Variants in CNTLN observed in about 807,000 individuals in gnomAD.
CNTLN encodes the protein centlein.
Under a neutral mutation model 180.0 loss-of-function variants are expected in CNTLN, and 212 were observed. The observed-to-expected ratio is 1.18, with a 90% CI of 1.05 to 1.32. The LOEUF is 1.32. Among genes scored for constraint, CNTLN ranks in the 40% most tolerant of loss-of-function variants. CNTLN has a pLI of 0.00. For missense variants in CNTLN, 2,095 were observed against 1,610.9 expected, an observed-to-expected ratio of 1.30 and a Z score of -5.14; for synonymous variants, 722 against 563.1, an observed-to-expected ratio of 1.28 and a Z score of -3.99.
At chr9:17,207,973 T>C (rs1173328722) in intron 2 of CNTLN, among the ~76,000 whole-genome samples, 1 of 152,158 alleles carries the variant, frequency 6.6e-6, no homozygotes, top group African/African-American at 2.4e-5. Flanking sequence ...TCTTGTCTGA[T>C]TGCTCTAGCT....
chr9:17,480,401 T>G (rs2134290544), intron 23 of CNTLN, among the ~76,000 whole-genome samples: 1 of 152,124 alleles, frequency 6.6e-6, no homozygotes, highest in African/African-American at 2.4e-5. Context: ...ATGGATAGTT[T>G]GTGAAGAAAA....
At chr9:17,340,248 T>A (rs563708519) in intron 10 of CNTLN, among the ~76,000 whole-genome samples, 6 of 152,304 alleles carry the variant, frequency 3.9e-5, no homozygotes, top group African/African-American at 1.4e-4. Context: ...TATAACCTCT[T>A]TAAGAGTTGT....
rs113960522 is a variant in CNTLN, at chr9:17,167,946, T to C, written c.449+24570T>C. The C allele has an allele frequency of 1.5e-3, 236 of 152,260 alleles. 2 individuals carry two copies. Among genetic ancestry groups the C allele is most frequent in the African/African-American group, 5.5e-3 (228 of 41,548 alleles). 9.4% of individuals were successfully genotyped at this position (152,260 alleles called of 1,614,324 possible). A position where few individuals can be genotyped will look rare whatever the true frequency, so the allele number is the denominator to read the frequency against. On this transcript the variant is annotated intron_variant, in intron 2 of 25. Transcript: ENST00000380647. ...ACAGAGAGGGGCTCCCTGGCAAGTG[T>C]GTAGGTACTCCATTGTCCTCTTCCT...
At chr9:17,138,341 C>T (rs996189653) in intron 1 of CNTLN, among the ~76,000 whole-genome samples, 1 of 151,944 alleles carries the variant, frequency 6.6e-6, no homozygotes, top group African/African-American at 2.4e-5. Context: ...ATTGACTAAA[C>T]CTATAAGCCA....
chr9:17,143,629 T>C (rs1818255924), intron 2 of CNTLN, among the ~76,000 whole-genome samples: 1 of 152,148 alleles, frequency 6.6e-6, no homozygotes, highest in Admixed American at 6.5e-5. Flanking sequence ...ATGTCTTAAA[T>C]ACTGTGTGTG....
chr9:17,348,494 T>G (rs1822095436), intron 12 of CNTLN, among the ~76,000 whole-genome samples: 1 of 151,890 alleles, frequency 6.6e-6, no homozygotes, highest in Non-Finnish European at 1.5e-5. Context: ...TTGGTGAAAG[T>G]GCAGGCTTCT....
intron 15 of CNTLN, among the ~76,000 whole-genome samples, chr9:17,403,993 C>T (rs980474709): frequency 6.6e-6 from 1 of 151,660 alleles, no homozygotes; most frequent in African/African-American, 2.4e-5. Context: ...CCAGACTGGT[C>T]ATAAACTCCT....
At chr9:17,222,605 C>T (rs1824213978) in intron 2 of CNTLN, among the ~76,000 whole-genome samples, 1 of 152,028 alleles carries the variant, frequency 6.6e-6, no homozygotes, top group African/African-American at 2.4e-5. Context: ...GATTCTGAGG[C>T]CTCCCCAGCC....
intron 18 of CNTLN, among the ~76,000 whole-genome samples, chr9:17,438,385 T>C (rs1829904764): frequency 6.6e-6 from 1 of 152,138 alleles, no homozygotes; most frequent in Non-Finnish European, 1.5e-5. Context: ...TCCCAAAAGT[T>C]TGATGACCAA....
chr9:17,269,381 G>T (rs1827769728), intron 5 of CNTLN, among the ~76,000 whole-genome samples: 1 of 151,812 alleles, frequency 6.6e-6, no homozygotes, highest in African/African-American at 2.4e-5. Context: ...CCTTTTTAAT[G>T]TACTACATAC....
intron 8 of CNTLN, among the ~76,000 whole-genome samples, chr9:17,330,305 A>T (rs767921627): frequency 6.6e-6 from 1 of 152,064 alleles, no homozygotes; most frequent in Non-Finnish European, 1.5e-5. Context: ...GAGGCAATAC[A>T]TATGTGTATA....
chr9:17,435,340 T>C (rs1055277428), intron 18 of CNTLN, among the ~76,000 whole-genome samples: 1 of 152,218 alleles, frequency 6.6e-6, no homozygotes, highest in Non-Finnish European at 1.5e-5. Flanking sequence ...CTTTCTGGAC[T>C]TAGTTATTTT....
chr9:17,241,958 C>G (rs1378613270), intron 5 of CNTLN, among the ~76,000 whole-genome samples: 1 of 152,134 alleles, frequency 6.6e-6, no homozygotes, highest in Non-Finnish European at 1.5e-5. Context: ...GTGGACTCTT[C>G]AGGTTTTTCC....
intron 8 of CNTLN, among the ~76,000 whole-genome samples, chr9:17,309,486 G>T (rs556401717): frequency 6.6e-6 from 1 of 152,032 alleles, no homozygotes; most frequent in Non-Finnish European, 1.5e-5. Context: ...TATAGTTATC[G>T]TGATGAAACA....
intron 25 of CNTLN, among the ~76,000 whole-genome samples, chr9:17,494,043 T>C (rs1293514459): frequency 6.6e-6 from 1 of 152,210 alleles, no homozygotes; most frequent in Non-Finnish European, 1.5e-5. Context: ...TTTGGAATGA[T>C]AAAATAATGC....
intron 6 of CNTLN, among the ~76,000 whole-genome samples, chr9:17,297,698 C>G (rs148921456): frequency 2.5e-4 from 38 of 152,288 alleles, no homozygotes; most frequent in Admixed American, 2.5e-3. Flanking sequence ...GCCCAGGACC[C>G]TGAGGTTACA....
chr9:17,193,319 C>T (rs1037591386), intron 2 of CNTLN, among the ~76,000 whole-genome samples: 1 of 152,196 alleles, frequency 6.6e-6, no homozygotes, highest in Admixed American at 6.5e-5. Context: ...AAAGTCTCAT[C>T]TGAGACAAGA....
At position 17,190,238 on chromosome 9, in the gene CNTLN, A is replaced by G. The variant is rs1216363374; in HGVS notation, c.450-35965A>G. On this transcript the variant is annotated intron_variant, in intron 2 of 25. Transcript: ENST00000380647. ...CACAGCCCTTTGTTTCCTGTTGTAC[A>G]GTGTCTGATAATATTTTGTATATTT... Among the ~76,000 whole-genome samples, 3 of 150,648 alleles carry G rather than the reference A, an allele frequency of 2.0e-5. No individual in the cohort carries two copies. In the East Asian group the frequency reaches 5.9e-4, roughly 29 times the overall value.
chr9:17,135,081 C>G lies in CNTLN; in HGVS notation c.16C>G (p.Pro6Ala), dbSNP rs1380106080. The change falls in exon 1 of 26, where the codon CCT (proline) becomes GCT (alanine). Residue 6 changes from proline to alanine, a missense_variant. Pro to Ala is a conservative substitution (Grantham distance 27, BLOSUM62 -1). Coordinates refer to ENST00000380647, the MANE Select transcript of CNTLN (RefSeq NM_017738.4). ...AGCCGCAGCCATGGCGGCGCGTTCG[C>G]CTCCCTCACCGCACCCTTCGCCCCC... MAARS[P>A]PSPHPSPPAR... 1 of 1,599,724 alleles carries G rather than the reference C, an allele frequency of 6.3e-7. No individual in the cohort carries two copies. Among genetic ancestry groups the G allele is most frequent in the East Asian group, 2.2e-5 (1 of 44,590 alleles).
Sources: gnomAD v4.1 joint callset for allele counts (sites outside exome capture counted in the v4.1 genomes callset) on GRCh38, gnomAD v4.1.1 for gene constraint, MANE v1.5 for transcripts, NCBI Gene and HGNC (gene_info 2026-07-23, HGNC 2026-07-21) for gene names.